Variants in TMEM181 observed in about 807,000 individuals in gnomAD.
TMEM181 encodes transmembrane protein 181, also known as G protein-coupled receptor 178.
In TMEM181, 39 loss-of-function variants were observed where a neutral mutation model predicts 71.9. The observed-to-expected ratio is 0.54, with a 90% CI of 0.42 to 0.71. TMEM181 has a LOEUF of 0.71. Among genes scored for constraint, TMEM181 ranks in the 30% least tolerant of loss-of-function variants. The pLI is 0.00. For missense variants in TMEM181, 595 were observed against 583.0 expected, an observed-to-expected ratio of 1.02 and a Z score of -0.21; for synonymous variants, 245 against 228.8, an observed-to-expected ratio of 1.07 and a Z score of -0.64.
chr6:158,580,007 A>G (rs1783384166), intron 2 of TMEM181, among the ~76,000 whole-genome samples: 1 of 152,022 alleles, frequency 6.6e-6, no homozygotes, highest in Non-Finnish European at 1.5e-5. Context: ...GTATGAACGT[A>G]TTTACTACCA....
At chr6:158,615,783 T>C (rs898375202) in intron 10 of TMEM181, among the ~76,000 whole-genome samples, 2 of 152,360 alleles carry the variant, frequency 1.3e-5, no homozygotes, top group Non-Finnish European at 2.9e-5. Flanking sequence ...TTGTCAAAGA[T>C]CAGATGGTTG....
intron 1 of TMEM181, among the ~76,000 whole-genome samples, chr6:158,561,802 T>TA (rs1176387898): frequency 5.3e-5 from 8 of 152,236 alleles, no homozygotes; most frequent in African/African-American, 1.2e-4. Context: ...CTAAGAGGGT[T>TA]AGGGAAGACG....
At chr6:158,592,687 C>T (rs749553532) in intron 6 of TMEM181, among the ~76,000 whole-genome samples, 9 of 152,066 alleles carry the variant, frequency 5.9e-5, no homozygotes, top group Non-Finnish European at 1.3e-4. Context: ...GGTTTTACCA[C>T]GTTGGCCAGG....
At chr6:158,605,181 T>C (rs1011330496) in intron 6 of TMEM181, 86 bp from the exon 7 acceptor site, 8 of 959,384 alleles carry the variant, frequency 8.3e-6, no homozygotes, top group Non-Finnish European at 1.3e-5. Flanking sequence ...TTGTCTCATC[T>C]AGAGATAACT....
At chr6:158,615,909 C>T (rs139506204) in intron 10 of TMEM181, among the ~76,000 whole-genome samples, 6,123 of 152,238 alleles carry the variant, frequency 0.04, 284 homozygotes, top group African/African-American at 0.11. Context: ...AGTTTAAAGT[C>T]AGGTAGCATG....
intron 13 of TMEM181, 44 bp downstream of exon 13, chr6:158,625,798 C>T: frequency 6.5e-7 from 1 of 1,543,070 alleles, no homozygotes; most frequent in Non-Finnish European, 8.9e-7. Context: ...CGGAATTTTT[C>T]TTTTACTGTC....
At position 158,630,676 on chromosome 6, in the gene TMEM181, C is replaced by T. The variant is rs544069143; in HGVS notation, c.1283-647C>T. ...TGGGTTTATCAGGACATAACCCCAT[C>T]GTAAGTCAAGGAGCATCTGTAGTAG... On this transcript the variant is annotated intron_variant, in intron 15 of 16. Coordinates refer to ENST00000684151, the MANE Select transcript of TMEM181 (RefSeq NM_001376852.1). Among the ~76,000 whole-genome samples, 20 of 150,084 alleles carry T rather than the reference C, an allele frequency of 1.3e-4. No individual in the cohort carries two copies. The East Asian group carries it at 2.2e-3, about 16-fold the overall frequency.
upstream of TMEM181, among the ~76,000 whole-genome samples, chr6:158,558,589 C>T (rs970033884): frequency 6.6e-6 from 1 of 152,176 alleles, no homozygotes; most frequent in Non-Finnish European, 1.5e-5. Context: ...AACCACCTGC[C>T]AATGACAGAA....
intron 13 of TMEM181, 162 bp from the exon 14 acceptor site, chr6:158,628,246 G>C (rs1562316599): frequency 2.8e-6 from 2 of 723,632 alleles, no homozygotes; most frequent in Admixed American, 4.0e-5. Flanking sequence ...GTGTGTGCAT[G>C]TGTGCATCTG....
At chr6:158,547,835 C>T (rs1018038931) in intron 1 of TMEM181, among the ~76,000 whole-genome samples, 3 of 141,792 alleles carry the variant, frequency 2.1e-5, no homozygotes, top group Non-Finnish European at 4.5e-5. Flanking sequence ...TGCGGTGAGT[C>T]GATATCACGC....
chr6:158,628,475 A>G lies in TMEM181; in HGVS notation c.1177A>G (p.Thr393Ala), dbSNP rs1334278323. 6.2e-7 allele frequency: 1 copy of G among 1,613,982 alleles called. No homozygotes were observed. The highest frequency in any genetic ancestry group is 8.5e-7 in the Non-Finnish European group (1 of 1,180,008). Residue 393 changes from threonine (T) to alanine (A), a missense_variant, in exon 14 of 17, where the codon ACT becomes GCT. Thr to Ala is a moderately conservative substitution (Grantham distance 58). Coordinates refer to ENST00000684151, the MANE Select transcript of TMEM181 (RefSeq NM_001376852.1). ...AGACAATTTTGTAGCAGAGCTGTCA[A>G]CTCACTACCAGAATTATATCCTTTT... The part of the protein sequence containing the change: ...LQDNFVAELS[T>A]HYQNSAEFLS...
chr6:158,605,422 G>T (rs1053163413), intron 7 of TMEM181, 75 bp downstream of exon 7: 25 of 1,351,802 alleles, frequency 1.8e-5, no homozygotes, highest in Non-Finnish European at 2.5e-5. Context: ...TAGGATCTTC[G>T]GTGCAAGCCA....
intron 1 of TMEM181, among the ~76,000 whole-genome samples, chr6:158,570,233 C>CT (rs542922209): frequency 3.4e-3 from 460 of 136,690 alleles, no homozygotes; most frequent in Admixed American, 4.4e-3. Flanking sequence ...TTTCCGTACA[C>CT]TTTTTTTTTT....
intron 1 of TMEM181, among the ~76,000 whole-genome samples, chr6:158,550,799 T>C (rs1416990026): frequency 2.7e-5 from 4 of 147,548 alleles, no homozygotes; most frequent in African/African-American, 1.0e-4. Context: ...GGCAAATAAC[T>C]AGAACTTGAA....
intron 1 of TMEM181, among the ~76,000 whole-genome samples, chr6:158,570,919 G>GT (rs1562626612): frequency 1.3e-5 from 2 of 149,024 alleles, no homozygotes; most frequent in African/African-American, 5.0e-5. Context: ...TTGTTAGGTT[G>GT]GTTTTTTTTT....
chr6:158,600,315 C>T (rs893860479), intron 6 of TMEM181, among the ~76,000 whole-genome samples: 18 of 151,984 alleles, frequency 1.2e-4, no homozygotes, highest in Admixed American at 2.6e-4. Context: ...CATGCGCCAC[C>T]ACGTCTCTGT....
chr6:158,598,779 T>G (rs1322652825), intron 6 of TMEM181, among the ~76,000 whole-genome samples: 1 of 152,034 alleles, frequency 6.6e-6, no homozygotes, highest in African/African-American at 2.4e-5. Context: ...GTTCAGGCCA[T>G]TCTCCTGCCT....
At chr6:158,563,729 A>C (rs894120) in intron 1 of TMEM181, among the ~76,000 whole-genome samples, 1 of 152,110 alleles carries the variant, frequency 6.6e-6, no homozygotes, top group Admixed American at 6.5e-5. Context: ...TGAACTCACC[A>C]GTCCTTGGGT....
intron 2 of TMEM181, among the ~76,000 whole-genome samples, chr6:158,577,862 G>A (rs926602759): frequency 3.3e-5 from 5 of 152,122 alleles, no homozygotes; most frequent in South Asian, 4.2e-4. Flanking sequence ...AGGCTGAGGC[G>A]GGTGGATCAC....
Sources: gnomAD v4.1 joint callset for allele counts (sites outside exome capture counted in the v4.1 genomes callset) on GRCh38, gnomAD v4.1.1 for gene constraint, MANE v1.5 for transcripts, NCBI Gene and HGNC (gene_info 2026-07-23, HGNC 2026-07-21) for gene names.